Variants in PRKN observed in about 807,000 individuals in gnomAD.
PRKN encodes parkin RBR E3 ubiquitin protein ligase, also known as E3 ubiquitin-protein ligase parkin.
PRKN carries 56 observed loss-of-function variants against 59.5 expected under a neutral mutation model. The observed-to-expected ratio is 0.94, with a 90% CI of 0.76 to 1.18. The LOEUF (loss-of-function observed/expected upper bound fraction) is 1.18, where lower values mean the gene tolerates loss of function less well. Among genes scored for constraint, PRKN ranks in the 50% most tolerant of loss-of-function variants. The pLI is 0.00. For missense variants in PRKN, 657 were observed against 596.4 expected (o/e 1.10, Z -1.06); for synonymous variants, 250 against 222.1 (o/e 1.13, Z -1.12).
chr6:161,898,390 T>C (rs1417929210), intron 6 of PRKN, among the ~76,000 whole-genome samples: 1 of 152,220 alleles, frequency 6.6e-6, no homozygotes, highest in Non-Finnish European at 1.5e-5. Context: ...GCATTACATC[T>C]GTATATTGCT....
chr6:161,369,255 C>T lies in PRKN; in HGVS notation c.1168-9050G>A, dbSNP rs1273289045. Among the ~76,000 whole-genome samples the T allele has an allele frequency of 6.6e-6, 1 of 152,188 alleles. No homozygotes were observed. The highest frequency in any genetic ancestry group is 1.5e-5 in the Non-Finnish European group (1 of 68,024). ...CAGGTTCAAGATCACCAAAGCGATT[C>T]TAAAAATGATCCCAAGGCTTGTGTC... On this transcript the variant is annotated intron_variant, in intron 10 of 11. Transcript: ENST00000366898. This position sits in a 1 kb window ranked among gnomAD's most constrained non-coding sequence, Gnocchi z 5.8.
intron 5 of PRKN, among the ~76,000 whole-genome samples, chr6:162,020,332 C>CAAAAAAAA (rs771141235): frequency 4.1e-3 from 187 of 45,518 alleles, no homozygotes; most frequent in Middle Eastern, 0.024. Flanking sequence ...ACCAATGAAT[C>CAAAAAAAA]AAAAAAAAAA....
At chr6:162,611,329 T>C (rs1403627777) in intron 1 of PRKN, among the ~76,000 whole-genome samples, 1 of 152,214 alleles carries the variant, frequency 6.6e-6, no homozygotes, top group Non-Finnish European at 1.5e-5. Flanking sequence ...AAAATTCAGA[T>C]TGCTACAATG....
chr6:161,921,283 A>G (rs1778777638), intron 6 of PRKN, among the ~76,000 whole-genome samples: 1 of 152,170 alleles, frequency 6.6e-6, no homozygotes, highest in African/African-American at 2.4e-5. Flanking sequence ...TTCAGGGGCA[A>G]TGACATGCAT....
In PRKN at chr6:161,463,746, G is replaced by T. The variant is rs554518168; in HGVS notation, c.1084-76869C>A. ...GCAACATCAGAACTGCATACACAGT[G>T]GTAAAGATCAAGTGTCCACTTTGGA... is the stretch of plus-strand genomic sequence containing the variant. On this transcript the variant is annotated intron_variant, in intron 9 of 11. Coordinates refer to ENST00000366898, the MANE Select transcript of PRKN (RefSeq NM_004562.3). The surrounding 1 kb of genome is among the most constrained non-coding windows in gnomAD (Gnocchi z 4.8). Among the ~76,000 whole-genome samples, 15 of 152,174 alleles carry T rather than the reference G, an allele frequency of 9.9e-5. No individual in the cohort carries two copies. Among genetic ancestry groups the T allele is most frequent in the Middle Eastern group, 6.8e-3 (2 of 294 alleles).
chr6:161,472,862 C>G (rs1025340592), intron 9 of PRKN, among the ~76,000 whole-genome samples: 1 of 151,952 alleles, frequency 6.6e-6, no homozygotes, highest in Non-Finnish European at 1.5e-5. Flanking sequence ...GACATTTCTC[C>G]AAAAAAGATA....
chr6:161,676,086 T>C (rs1582987243), intron 7 of PRKN, among the ~76,000 whole-genome samples: 1 of 152,326 alleles, frequency 6.6e-6, no homozygotes, highest in East Asian at 1.9e-4. Context: ...TCCTAAACAA[T>C]TCCTGTCCTC....
At chr6:162,308,726 T>G (rs1782343719) in intron 2 of PRKN, among the ~76,000 whole-genome samples, 1 of 152,284 alleles carries the variant, frequency 6.6e-6, no homozygotes, top group Middle Eastern at 3.4e-3. Flanking sequence ...AAGAAAACAC[T>G]GACTGTAAAC....
At chr6:162,052,848 A>G (rs1777700750) in intron 5 of PRKN, among the ~76,000 whole-genome samples, 3 of 152,172 alleles carry the variant, frequency 2.0e-5, no homozygotes. Context: ...ATGTATGTAT[A>G]TATGTATAAC....
intron 9 of PRKN, among the ~76,000 whole-genome samples, chr6:161,482,647 C>T (rs1050469453): frequency 3.9e-4 from 59 of 152,174 alleles, no homozygotes; most frequent in African/African-American, 1.2e-3. Flanking sequence ...TTCTATGTTA[C>T]GGCTAATTCC....
chr6:161,677,245 AATCAATAG>A (rs1239756922), intron 7 of PRKN, among the ~76,000 whole-genome samples: 1 of 151,728 alleles, frequency 6.6e-6, no homozygotes, highest in Non-Finnish European at 1.5e-5. Flanking sequence ...TATAGAAGAG[AATCAATAG>A]TTCTCTACAA....
At chr6:161,854,583 A>G (rs949124084) in intron 6 of PRKN, among the ~76,000 whole-genome samples, 1 of 152,156 alleles carries the variant, frequency 6.6e-6, no homozygotes, top group African/African-American at 2.4e-5. Context: ...AACTGCACTT[A>G]CATACAGTTA....
chr6:161,811,031 G>A (rs1202052272), intron 6 of PRKN, among the ~76,000 whole-genome samples: 2 of 152,152 alleles, frequency 1.3e-5, no homozygotes, highest in Non-Finnish European at 2.9e-5. Flanking sequence ...AAAATGATCT[G>A]TAGATTCGAA....
At chr6:161,516,124 C>A (rs906662476) in intron 9 of PRKN, among the ~76,000 whole-genome samples, 1 of 152,114 alleles carries the variant, frequency 6.6e-6, no homozygotes, top group African/African-American at 2.4e-5. Context: ...AGAGCCAGTT[C>A]ATTCCTAGTG....
chr6:161,943,230 T>G (rs1779630948), intron 6 of PRKN, among the ~76,000 whole-genome samples: 1 of 152,192 alleles, frequency 6.6e-6, no homozygotes, highest in East Asian at 1.9e-4. Flanking sequence ...TTGCCTTCTT[T>G]ATGAAGTTGA....
intron 6 of PRKN, among the ~76,000 whole-genome samples, chr6:161,932,633 G>A (rs1005667432): frequency 3.3e-5 from 5 of 152,124 alleles, no homozygotes; most frequent in African/African-American, 1.2e-4. Flanking sequence ...AGCGAAAAAA[G>A]GATGTGTGTA....
At chr6:162,426,260 G>A (rs942600236) in intron 2 of PRKN, among the ~76,000 whole-genome samples, 2 of 152,078 alleles carry the variant, frequency 1.3e-5, no homozygotes, top group East Asian at 1.9e-4. Context: ...CAGAGTAGAC[G>A]GTTCAAAATA....
At chr6:161,619,981 C>CTTTTT (rs71004058) in intron 7 of PRKN, among the ~76,000 whole-genome samples, 77 of 63,142 alleles carry the variant, frequency 1.2e-3, no homozygotes, top group East Asian at 2.0e-3. Context: ...ACACATTATT[C>CTTTTT]TTTTTTTTTT....
chr6:161,757,821 G>C (rs1168553503), intron 7 of PRKN, among the ~76,000 whole-genome samples: 1 of 60,814 alleles, frequency 1.6e-5, no homozygotes, highest in African/African-American at 5.6e-5. Flanking sequence ...CTGGGCAATA[G>C]AGCAAAACTC....
Sources: gnomAD v4.1 joint callset for allele counts (sites outside exome capture counted in the v4.1 genomes callset) on GRCh38, gnomAD v4.1.1 for gene constraint, Gnocchi (gnomAD v3.1) non-coding constraint, MANE v1.5 for transcripts, NCBI Gene and HGNC (gene_info 2026-07-23, HGNC 2026-07-21) for gene names.